The following ECE1 variants were observed in gnomAD, a reference collection of about 807,000 sequenced individuals.
ECE1 encodes the protein endothelin converting enzyme 1.
In ECE1, 35 loss-of-function variants were observed where a neutral mutation model predicts 98.6. The ratio of observed to expected loss-of-function variants is 0.35; its 90% CI spans 0.27 to 0.47. The LOEUF (loss-of-function observed/expected upper bound fraction) is 0.47. ECE1 is among the 20% of genes least tolerant of loss of function. ECE1 has a pLI of 1.00. For missense variants in ECE1, 814 were observed against 1,025.3 expected (o/e 0.79, Z 2.81); for synonymous variants, 394 against 407.1 (o/e 0.97, Z 0.39).
chr1:21,311,141 A>T (rs1218095882), intron 1 of ECE1, among the ~76,000 whole-genome samples: 5 of 152,208 alleles, frequency 3.3e-5, no homozygotes, highest in Non-Finnish European at 1.5e-5. Context: ...TAGGGACTTG[A>T]TGAATGGGGG....
chr1:21,342,942 A>G (rs1360972130), intron 1 of ECE1, among the ~76,000 whole-genome samples: 1 of 152,106 alleles, frequency 6.6e-6, no homozygotes, highest in Admixed American at 6.5e-5. Context: ...GGCCCCAGCA[A>G]CCTTTTTGCC....
intron 1 of ECE1, among the ~76,000 whole-genome samples, chr1:21,335,578 G>A (rs1408883256): frequency 3.3e-5 from 5 of 152,176 alleles, no homozygotes; most frequent in African/African-American, 9.7e-5. Flanking sequence ...CTCAGTGGGT[G>A]GGGGGCTCTC....
chr1:21,228,961 C>T (rs2098178225), intron 14 of ECE1, among the ~76,000 whole-genome samples: 1 of 151,254 alleles, frequency 6.6e-6, no homozygotes, highest in Admixed American at 6.6e-5. Context: ...CCTGCCTCAG[C>T]CTCCCGTGTA....
chr1:21,314,068 G>C (rs1638781953), intron 1 of ECE1, among the ~76,000 whole-genome samples: 2 of 152,224 alleles, frequency 1.3e-5, no homozygotes, highest in Non-Finnish European at 1.5e-5. Context: ...TTCATTCTAG[G>C]TTCCGTGCTA....
chr1:21,277,155 C>T (rs962287507), intron 3 of ECE1, among the ~76,000 whole-genome samples: 1 of 152,152 alleles, frequency 6.6e-6, no homozygotes, highest in East Asian at 1.9e-4. Context: ...ATACTCTGCC[C>T]AGCTCCACTC....
At chr1:21,244,611 A>G (rs1229261153) in intron 10 of ECE1, among the ~76,000 whole-genome samples, 1 of 152,100 alleles carries the variant, frequency 6.6e-6, no homozygotes, top group Non-Finnish European at 1.5e-5. Flanking sequence ...AACTGGGAGG[A>G]AAATAATAAC....
chr1:21,253,926 G>A (rs567643290), intron 8 of ECE1, among the ~76,000 whole-genome samples: 5 of 151,694 alleles, frequency 3.3e-5, no homozygotes, highest in Non-Finnish European at 5.9e-5. Flanking sequence ...AAAATTAGCC[G>A]GGCGTGGTGG....
rs1638630276 is a variant in ECE1, at chr1:21,307,747, TA to T, written c.4-17592del. Among the ~76,000 whole-genome samples the T allele has an allele frequency of 1.3e-5, 2 of 152,126 alleles. No homozygotes were observed. Among genetic ancestry groups the T allele is most frequent in the Admixed American group, 1.3e-4 (2 of 15,270 alleles). On this transcript the variant is annotated intron_variant, in intron 1 of 18. Transcript: ENST00000415912. The surrounding 1 kb of genome is among the most constrained non-coding windows in gnomAD (Gnocchi z 4.2). ...TGTACCCACGCAGGGCCACTGCTCC[TA>T]GGGCACTGGGCTCCAGACAGAAAAT...
chr1:21,217,833 C>G lies in ECE1; in HGVS notation c.*2122G>C, dbSNP rs978620087. On this transcript the variant is annotated 3_prime_UTR_variant, in exon 19 of 19. Transcript: ENST00000374893. ...AGGACCTCCATCTGGAATCCACTCT[C>G]GATACCCTGCACCAGCTTGGAGGCA... 1 of 152,336 alleles carries G rather than the reference C, an allele frequency of 6.6e-6. No individual in the cohort carries two copies. Among genetic ancestry groups the G allele is most frequent in the African/African-American group, 2.4e-5 (1 of 41,456 alleles). The allele number at this position is 152,336 out of a possible 1,614,324, so 9.4% of individuals were successfully genotyped here.
intron 3 of ECE1, among the ~76,000 whole-genome samples, chr1:21,278,742 A>T (rs1558408786): frequency 1.3e-5 from 2 of 152,194 alleles, no homozygotes; most frequent in Non-Finnish European, 2.9e-5. Flanking sequence ...TATTGGAACT[A>T]GAGATAGCAG....
chr1:21,255,916 C>A (rs777325991), intron 8 of ECE1, 31 bp downstream of exon 8: 6 of 1,611,602 alleles, frequency 3.7e-6, no homozygotes, highest in Non-Finnish European at 5.1e-6. Context: ...GAGGCCATCC[C>A]AGCCTCCCTA....
chr1:21,280,495 GC>G (rs2098253163), intron 2 of ECE1, among the ~76,000 whole-genome samples: 1 of 152,196 alleles, frequency 6.6e-6, no homozygotes, highest in Non-Finnish European at 1.5e-5. Context: ...GGAGAGGAGG[GC>G]CTAGATCCTA....
intron 8 of ECE1, among the ~76,000 whole-genome samples, chr1:21,250,577 G>A (rs766033683): frequency 1.3e-5 from 2 of 152,210 alleles, no homozygotes; most frequent in Non-Finnish European, 2.9e-5. Context: ...GGAGGTGAGA[G>A]AGGCTCCACA....
chr1:21,306,935 C>T (rs113715696), intron 1 of ECE1, among the ~76,000 whole-genome samples: 1 of 152,184 alleles, frequency 6.6e-6, no homozygotes, highest in African/African-American at 2.4e-5. Context: ...GTCAGGGACA[C>T]AGTCAGGACT....
Position 21,267,907 on chromosome 1 carries a change from C to T in ECE1, c.493+4792G>A, listed in dbSNP as rs183783452. 1.4e-4 allele frequency among the ~76,000 whole-genome samples: 22 copies of T among 152,310 alleles called. No individual in the cohort carries two copies. In the East Asian group the frequency reaches 4.2e-3, roughly 29 times the overall value. ...TTAATTGCCACATCACCGACATGGA[C>T]ACGTTTAACGCTATTGGAATATTGT... On this transcript the variant is annotated intron_variant, in intron 4 of 18. Coordinates refer to ENST00000374893, the MANE Select transcript of ECE1 (RefSeq NM_001397.3).
At chr1:21,222,595 C>A (rs2098168842) in intron 17 of ECE1, among the ~76,000 whole-genome samples, 1 of 152,100 alleles carries the variant, frequency 6.6e-6, no homozygotes, top group South Asian at 2.1e-4. Context: ...AATCCCAGCA[C>A]TTTGGAAGGC....
rs569778810 is a variant in ECE1, at chr1:21,235,217, A to G, written c.1566+633T>C. Among the ~76,000 whole-genome samples the G allele has an allele frequency of 5.3e-5, 8 of 152,356 alleles. No individual in the cohort carries two copies. Among genetic ancestry groups the G allele is most frequent in the African/African-American group, 1.9e-4 (8 of 41,588 alleles). On this transcript the variant is annotated intron_variant, in intron 13 of 18. Coordinates refer to ENST00000374893, the MANE Select transcript of ECE1 (RefSeq NM_001397.3). This position sits in a 1 kb window ranked among gnomAD's most constrained non-coding sequence, Gnocchi z 4.2. Reference sequence around the variant, plus strand: ...TCACAAGAAGATATAAAACTTCATAATTTGAGGCAGAAGCACAATCCACCT... The same window carrying G: ...TCACAAGAAGATATAAAACTTCATAGTTTGAGGCAGAAGCACAATCCACCT...
chr1:21,290,157 C>G lies in ECE1; in HGVS notation c.52-1G>C. ...GCGTGGCCCGCTTGTACGTCGACAT[C>G]TGCAAGGCCAAATGCAGCACGGACT... On this transcript the variant is annotated splice_acceptor_variant, in intron 1 of 18. Transcript: ENST00000374893. LOFTEE classifies it high-confidence loss of function. The surrounding 1 kb of genome is among the most constrained non-coding windows in gnomAD (Gnocchi z 7.3). The G allele has an allele frequency of 6.4e-7, 1 of 1,564,794 alleles. No homozygotes were observed. Among genetic ancestry groups the G allele is most frequent in the Non-Finnish European group, 8.6e-7 (1 of 1,157,980 alleles).
At chr1:21,286,120 GA>G (rs1187339881) in intron 2 of ECE1, among the ~76,000 whole-genome samples, 3 of 151,972 alleles carry the variant, frequency 2.0e-5, no homozygotes, top group African/African-American at 7.3e-5. Context: ...AAGATTTTTA[GA>G]AGTAATTGAA....
Sources: allele counts gnomAD v4.1 joint callset (sites outside exome capture counted in the v4.1 genomes callset), GRCh38; gene constraint gnomAD v4.1.1; non-coding constraint Gnocchi (gnomAD v3.1); transcripts MANE v1.5; gene names NCBI Gene and HGNC (gene_info 2026-07-23, HGNC 2026-07-21).